Variants in PXDN observed in about 807,000 individuals in gnomAD.
PXDN encodes the protein peroxidasin, also known as peroxidasin homolog.
PXDN carries 77 observed loss-of-function variants against 140.3 expected under a neutral mutation model. That is an observed-to-expected ratio of 0.55 (90% CI 0.46 to 0.66). The LOEUF is 0.66. Ranked by LOEUF, PXDN falls within the 30% of genes least tolerant of loss-of-function variation. PXDN has a pLI of 0.00. For synonymous variants in PXDN, 911 were observed against 857.4 expected, an observed-to-expected ratio of 1.06 and a Z score of -1.09; for missense variants, 1,838 against 2,039.5, an observed-to-expected ratio of 0.90 and a Z score of 1.90.
At chr2:1,671,224 T>C (rs1683567521) in intron 9 of PXDN, among the ~76,000 whole-genome samples, 1 of 152,108 alleles carries the variant, frequency 6.6e-6, no homozygotes, top group Non-Finnish European at 1.5e-5. Context: ...AGAACAGAAA[T>C]GGGCACATAG....
At chr2:1,668,593 A>T (rs887229866) in intron 9 of PXDN, among the ~76,000 whole-genome samples, 9 of 136,922 alleles carry the variant, frequency 6.6e-5, no homozygotes, top group Non-Finnish European at 3.2e-5. Context: ...AAGGAACTTA[A>T]ACAAATTTAC....
rs778875194 is a variant in PXDN, at chr2:1,744,307, A to G, written c.149T>C (p.Met50Thr). ...CLCFRTTVRCMHLLLEAVPAV... is the reference protein window; with the variant it reads ...CLCFRTTVRCTHLLLEAVPAV... Reference sequence around the variant, plus strand: ...GGGCACGGCCTCCAGCAGCAGATGCATGCAGCGCACGGTGGTGCGGAAGCA... The same window carrying G: ...GGGCACGGCCTCCAGCAGCAGATGCGTGCAGCGCACGGTGGTGCGGAAGCA... The change falls in exon 1 of 23, where the codon ATG becomes ACG. Residue 50 changes from methionine to threonine, a missense_variant. By Grantham distance (81) the Met-to-Thr change is moderately conservative. Transcript: ENST00000252804. 1.3e-6 allele frequency: 2 copies of G among 1,527,124 alleles called. No homozygotes were observed. Among genetic ancestry groups the G allele is most frequent in the South Asian group, 1.2e-5 (1 of 83,066 alleles). The allele number at this position is 1,527,124 out of a possible 1,614,324, so 94.6% of individuals were successfully genotyped here. A position where few individuals can be genotyped will look rare whatever the true frequency, so the allele number is the denominator to read the frequency against.
chr2:1,644,496 G>C, intron 18 of PXDN, 122 bp downstream of exon 18: 2 of 1,154,234 alleles, frequency 1.7e-6, no homozygotes, highest in Non-Finnish European at 2.3e-6. Context: ...CTCAACCGGG[G>C]ACACACAGAA....
chr2:1,699,436 C>T (rs1174587932), intron 1 of PXDN, among the ~76,000 whole-genome samples: 1 of 152,184 alleles, frequency 6.6e-6, no homozygotes, highest in Non-Finnish European at 1.5e-5. Flanking sequence ...TGGCCAGGCA[C>T]AGTGGCTCAT....
chr2:1,708,595 C>T (rs1684676898), intron 1 of PXDN, among the ~76,000 whole-genome samples: 2 of 152,130 alleles, frequency 1.3e-5, no homozygotes, highest in South Asian at 4.1e-4. Flanking sequence ...GGAGAGGGGT[C>T]CCTGATGCAG....
At chr2:1,671,714 C>T (rs1474859125) in intron 9 of PXDN, among the ~76,000 whole-genome samples, 3 of 152,220 alleles carry the variant, frequency 2.0e-5, no homozygotes, top group African/African-American at 7.2e-5. Context: ...GAGACCTACA[C>T]GTCACTCTAT....
In PXDN at chr2:1,719,834, T is replaced by TG. The variant is rs1684976287; in HGVS notation, c.200+24421_200+24422insC. 1.6e-3 allele frequency among the ~76,000 whole-genome samples: 178 copies of TG among 108,348 alleles called. 10 individuals carry two copies. The East Asian group carries it at 0.056, about 34-fold the overall frequency. 71.1% of individuals were successfully genotyped at this position (108,348 alleles called of 152,430 possible). Reference sequence around the variant, plus strand: ...CACAGGATGTGTGTACATGCGTGCATTGTGTGTGTGTGTGTGTGTGTGTGT... The same window carrying TG: ...CACAGGATGTGTGTACATGCGTGCATGTGTGTGTGTGTGTGTGTGTGTGTGT... On this transcript the variant is annotated intron_variant, in intron 1 of 22. Coordinates refer to ENST00000252804, the MANE Select transcript of PXDN (RefSeq NM_012293.3).
rs749860203 is a variant in PXDN at position 1,648,645 on chromosome 2, C to T, written c.3135G>A (p.Arg1045=). The part of the protein sequence containing the change: ...LPKILGEVGM[R]TLGEYHGYDP... ...CGTAGCCGTGGTACTCTCCCAGCGT[C>T]CTCATGCCCACCTCCCCCAGGATCT... The change falls in exon 17 of 23, where the codon AGG becomes AGA. Residue 1045 remains arginine, a synonymous_variant. Transcript: ENST00000252804. The surrounding 1 kb of genome is among the most constrained non-coding windows in gnomAD (Gnocchi z 8.9). 1.9e-6 allele frequency: 3 copies of T among 1,610,874 alleles called. No homozygotes were observed. The highest frequency in any genetic ancestry group is 2.2e-5 in the East Asian group (1 of 44,730).
At chr2:1,674,260 A>C (rs1683644591) in intron 8 of PXDN, among the ~76,000 whole-genome samples, 1 of 152,320 alleles carries the variant, frequency 6.6e-6, no homozygotes, top group Admixed American at 6.5e-5. Context: ...CCCAGGCTGG[A>C]GCGCAGCGGT....
At chr2:1,658,137 A>C (rs1232363893) in intron 14 of PXDN, among the ~76,000 whole-genome samples, 1 of 132,668 alleles carries the variant, frequency 7.5e-6, no homozygotes, top group Non-Finnish European at 1.5e-5. Context: ...CTTTTTGCTC[A>C]TTCTGCCTTG....
chr2:1,640,089 T>G (rs1682687343), intron 19 of PXDN, among the ~76,000 whole-genome samples: 3 of 131,896 alleles, frequency 2.3e-5, no homozygotes, highest in South Asian at 2.7e-4. Context: ...GGTCCCCGGG[T>G]GAGTGAGGGG....
At chr2:1,708,067 A>T (rs567850942) in intron 1 of PXDN, among the ~76,000 whole-genome samples, 40 of 152,196 alleles carry the variant, frequency 2.6e-4, no homozygotes, top group African/African-American at 9.4e-4. Flanking sequence ...CTGCAGGATG[A>T]ATGGGACTTC....
intron 14 of PXDN, among the ~76,000 whole-genome samples, chr2:1,658,347 C>T (rs988553533): frequency 2.0e-5 from 3 of 152,038 alleles, no homozygotes; most frequent in African/African-American, 7.2e-5. Flanking sequence ...AGGACTCCTC[C>T]ATCTCTTCTT....
rs1034450803 is a variant in PXDN, at chr2:1,651,718, C to A, written c.2104+1910G>T. ...CCTTGTGGGGTCCCTGCTCACGTGT[C>A]ACCTTCGCCCATGGGGAACAGCACC... On this transcript the variant is annotated intron_variant, in intron 16 of 22. Transcript: ENST00000252804. This position sits in a 1 kb window ranked among gnomAD's most constrained non-coding sequence, Gnocchi z 4.4. Among the ~76,000 whole-genome samples, 21 of 152,338 alleles carry A rather than the reference C, an allele frequency of 1.4e-4. No individual in the cohort carries two copies. The highest frequency in any genetic ancestry group is 1.1e-3 in the Admixed American group (17 of 15,302).
rs376778593 is a variant in PXDN at position 1,680,658 on chromosome 2, G to A, written c.561-296C>T. Among the ~76,000 whole-genome samples, 351 of 152,290 alleles carry A rather than the reference G, an allele frequency of 2.3e-3. 5 individuals are homozygous for A. The highest frequency in any genetic ancestry group is 8.1e-3 in the African/African-American group (337 of 41,542). On this transcript the variant is annotated intron_variant, in intron 6 of 22. Transcript: ENST00000252804. ...TGTGCACACCCAGGCATCGGGTGTC[G>A]AGCTCAAGGCGAGGGAGTGTGCCAG...
At chr2:1,645,111 G>C (rs1045801550) in intron 17 of PXDN, among the ~76,000 whole-genome samples, 2 of 151,956 alleles carry the variant, frequency 1.3e-5, no homozygotes, top group African/African-American at 4.8e-5. Flanking sequence ...ATAAACATAT[G>C]AACAATAAAC....
chr2:1,725,082 T>C (rs975593379), intron 1 of PXDN, among the ~76,000 whole-genome samples: 3 of 152,246 alleles, frequency 2.0e-5, no homozygotes, highest in Non-Finnish European at 2.9e-5. Flanking sequence ...TGCATCTCCT[T>C]GGTTAATTTA....
chr2:1,744,276 C>A lies in PXDN; in HGVS notation c.180G>T (p.Val60=), dbSNP rs1291806044. The change falls in exon 1 of 23, where the codon GTG becomes GTT. Residue 60 remains valine, a synonymous_variant. Coordinates refer to ENST00000252804, the MANE Select transcript of PXDN (RefSeq NM_012293.3). The part of the protein sequence containing the change: ...MHLLLEAVPA[V]APQTSILDLR... Reference sequence around the variant, plus strand: ...CTCACAGGATGGAGGTCTGCGGCGCCACGGCGGGCACGGCCTCCAGCAGCA... The same window carrying A: ...CTCACAGGATGGAGGTCTGCGGCGCAACGGCGGGCACGGCCTCCAGCAGCA... 2.6e-6 allele frequency: 4 copies of A among 1,519,240 alleles called. No homozygotes were observed. Among genetic ancestry groups the A allele is most frequent in the East Asian group, 2.5e-5 (1 of 39,266 alleles). 94.1% of individuals were successfully genotyped at this position (1,519,240 alleles called of 1,614,324 possible).
chr2:1,657,620 C>T (rs917364381), intron 14 of PXDN, among the ~76,000 whole-genome samples: 1 of 151,592 alleles, frequency 6.6e-6, no homozygotes, highest in Non-Finnish European at 1.5e-5. Flanking sequence ...GGGACCTGCC[C>T]CCTACTGACA....
Sources: allele counts gnomAD v4.1 joint callset (sites outside exome capture counted in the v4.1 genomes callset), GRCh38; gene constraint gnomAD v4.1.1; non-coding constraint Gnocchi (gnomAD v3.1); transcripts MANE v1.5; gene names NCBI Gene and HGNC (gene_info 2026-07-23, HGNC 2026-07-21).